Variants in DBX2 observed in about 807,000 individuals in gnomAD.
DBX2 encodes developing brain homeobox 2.
DBX2 carries 16 observed loss-of-function variants against 17.7 expected under a neutral mutation model. The observed-to-expected ratio is 0.90, with a 90% confidence interval of 0.61 to 1.37. The LOEUF (loss-of-function observed/expected upper bound fraction) is 1.37. Ranked by LOEUF, DBX2 falls within the 40% of genes most tolerant of loss-of-function variation. The probability of loss-of-function intolerance (pLI) is 0.00; values close to 1 mark genes in which losing one functional copy is unlikely to be tolerated. For missense variants in DBX2, 538 were observed against 433.8 expected, an observed-to-expected ratio of 1.24 and a Z score of -2.13; for synonymous variants, 255 against 183.8, an observed-to-expected ratio of 1.39 and a Z score of -3.13.
At chr12:45,048,173 T>A (rs1946509890) in intron 1 of DBX2, among the ~76,000 whole-genome samples, 1 of 152,054 alleles carries the variant, frequency 6.6e-6, no homozygotes, top group Non-Finnish European at 1.5e-5. Context: ...GAAGCATAAA[T>A]CCCGCAGTTA....
chr12:45,030,244 A>G (rs1432736637), intron 2 of DBX2, among the ~76,000 whole-genome samples: 1 of 80,374 alleles, frequency 1.2e-5, no homozygotes, highest in East Asian at 2.2e-4. Context: ...AAGCACTACC[A>G]AACAAAGACA....
intron 1 of DBX2, among the ~76,000 whole-genome samples, chr12:45,037,287 T>C (rs1433183681): frequency 6.6e-6 from 1 of 152,192 alleles, no homozygotes; most frequent in African/African-American, 2.4e-5. Flanking sequence ...AATATAACTG[T>C]AGGTGGAGAT....
chr12:45,038,763 G>A (rs1371011819), intron 1 of DBX2, among the ~76,000 whole-genome samples: 1 of 151,822 alleles, frequency 6.6e-6, no homozygotes, highest in Non-Finnish European at 1.5e-5. Context: ...TAAATTCTTA[G>A]TGATAAATGT....
chr12:45,018,665 C>T (rs1946335696), intron 3 of DBX2, among the ~76,000 whole-genome samples: 1 of 151,916 alleles, frequency 6.6e-6, no homozygotes, highest in African/African-American at 2.4e-5. Flanking sequence ...AAACTAAAAG[C>T]AAGAAATCTA....
In DBX2 at chr12:45,015,805, A is replaced by G. The variant is rs1406122198; in HGVS notation, c.*481T>C. 6.6e-6 allele frequency: 1 copy of G among 152,296 alleles called. No homozygotes were observed. Among genetic ancestry groups the G allele is most frequent in the Admixed American group, 6.5e-5 (1 of 15,284 alleles). The allele number at this position is 152,296 out of a possible 1,614,324, so 9.4% of individuals were successfully genotyped here. ...GAAGTCAGAAAATAGAGAATTTTTA[A>G]AAACATGTTTTTGGGGTATGAAAGT... On this transcript the variant is annotated 3_prime_UTR_variant, in exon 4 of 4. Coordinates refer to ENST00000332700, the MANE Select transcript of DBX2 (RefSeq NM_001004329.3).
In DBX2 at chr12:45,050,995, G is replaced by A. The variant is rs961786355; in HGVS notation, c.-68C>T. On this transcript the variant is annotated 5_prime_UTR_variant, in exon 1 of 4. Coordinates refer to ENST00000332700, the MANE Select transcript of DBX2 (RefSeq NM_001004329.3). Reference sequence around the variant, plus strand: ...GCCTGTCGCCCGGGCGCCCCGCACCGCACCCAGAGCCGCAGCTTCTCGCCG... The same window carrying A: ...GCCTGTCGCCCGGGCGCCCCGCACCACACCCAGAGCCGCAGCTTCTCGCCG... 1.6e-4 allele frequency: 213 copies of A among 1,324,128 alleles called. No homozygotes were observed. The highest frequency in any genetic ancestry group is 2.0e-4 in the Non-Finnish European group (204 of 1,041,326). The allele number at this position is 1,324,128 out of a possible 1,614,324, so 82.0% of individuals were successfully genotyped here. A position where few individuals can be genotyped will look rare whatever the true frequency, so the allele number is the denominator to read the frequency against.
chr12:45,038,077 A>G (rs1162332951), intron 1 of DBX2, among the ~76,000 whole-genome samples: 1 of 152,082 alleles, frequency 6.6e-6, no homozygotes, highest in African/African-American at 2.4e-5. Flanking sequence ...TGAATTTTAC[A>G]TCTTAAAGTA....
chr12:45,034,466 T>C (rs919333668), intron 2 of DBX2, among the ~76,000 whole-genome samples: 7 of 152,232 alleles, frequency 4.6e-5, no homozygotes, highest in Non-Finnish European at 8.8e-5. Context: ...GGAGACCACC[T>C]TGAAGGAGCG....
At chr12:45,039,160 T>TC (rs977183649) in intron 1 of DBX2, among the ~76,000 whole-genome samples, 3 of 150,838 alleles carry the variant, frequency 2.0e-5, no homozygotes, top group Non-Finnish European at 4.4e-5. Context: ...AAGTGCTTTT[T>TC]TTTTTTACAT....
At chr12:45,039,711 C>T (rs568081986) in intron 1 of DBX2, among the ~76,000 whole-genome samples, 1 of 151,950 alleles carries the variant, frequency 6.6e-6, no homozygotes, top group South Asian at 2.1e-4. Flanking sequence ...ATTATGACTG[C>T]TCACAGCAAA....
intron 1 of DBX2, among the ~76,000 whole-genome samples, chr12:45,045,454 A>T (rs1946494802): frequency 6.6e-6 from 1 of 152,234 alleles, no homozygotes; most frequent in Non-Finnish European, 1.5e-5. Flanking sequence ...TATGAACACG[A>T]TTAAACAGAA....
chr12:45,026,177 G>A (rs568812894), intron 2 of DBX2, among the ~76,000 whole-genome samples: 8 of 152,320 alleles, frequency 5.3e-5, no homozygotes, highest in Admixed American at 2.0e-4. Flanking sequence ...GATGGAACAT[G>A]TGGCTCCAGT....
At chr12:45,045,290 G>A (rs1946493782) in intron 1 of DBX2, among the ~76,000 whole-genome samples, 1 of 152,174 alleles carries the variant, frequency 6.6e-6, no homozygotes, top group African/African-American at 2.4e-5. Flanking sequence ...CGAAAATTAA[G>A]TAGACAAACA....
At chr12:45,018,672 T>C (rs1008595138) in intron 3 of DBX2, among the ~76,000 whole-genome samples, 8 of 151,896 alleles carry the variant, frequency 5.3e-5, no homozygotes, top group Non-Finnish European at 1.2e-4. Context: ...AAGCAAGAAA[T>C]CTAAATGATA....
At chr12:45,024,362 C>T (rs35540499) in intron 2 of DBX2, among the ~76,000 whole-genome samples, 14,251 of 152,216 alleles carry the variant, frequency 0.094, 863 homozygotes, top group Admixed American at 0.14. Flanking sequence ...TACCCAGTCT[C>T]GGGTATGTCT....
At chr12:45,029,088 C>T (rs923433127) in intron 2 of DBX2, among the ~76,000 whole-genome samples, 1 of 152,150 alleles carries the variant, frequency 6.6e-6, no homozygotes, top group Admixed American at 6.5e-5. Flanking sequence ...TTTTATGTCT[C>T]CAAAACACAT....
chr12:45,021,409 C>T (rs1466432163), intron 3 of DBX2, among the ~76,000 whole-genome samples: 1 of 152,172 alleles, frequency 6.6e-6, no homozygotes, highest in Admixed American at 6.5e-5. Flanking sequence ...TTATATATGG[C>T]TGTGGCATTG....
At position 45,015,744 on chromosome 12, in the gene DBX2, A is replaced by G. The variant is rs1172888329; in HGVS notation, c.*542T>C. 1 of 152,208 alleles carries G rather than the reference A, an allele frequency of 6.6e-6. No individual in the cohort carries two copies. Among genetic ancestry groups the G allele is most frequent in the Non-Finnish European group, 1.5e-5 (1 of 68,046 alleles). 9.4% of individuals were successfully genotyped at this position (152,208 alleles called of 1,614,324 possible). On this transcript the variant is annotated 3_prime_UTR_variant, in exon 4 of 4. Transcript: ENST00000332700. ...CTCATTTGTTGAGGACTGCTGAGCTAAGGTGTTAAAATTCACTTACAGCTG... is the reference window on the plus strand; with the variant it reads ...CTCATTTGTTGAGGACTGCTGAGCTGAGGTGTTAAAATTCACTTACAGCTG...
At position 45,015,862 on chromosome 12, in the gene DBX2, C is replaced by A. The variant is rs1432782606; in HGVS notation, c.*424G>T. 6.5e-6 allele frequency: 1 copy of A among 152,792 alleles called. No individual in the cohort carries two copies. Among genetic ancestry groups the A allele is most frequent in the Admixed American group, 6.5e-5 (1 of 15,294 alleles). The allele number at this position is 152,792 out of a possible 1,614,324, so 9.5% of individuals were successfully genotyped here. A position where few individuals can be genotyped will look rare whatever the true frequency, so the allele number is the denominator to read the frequency against. On this transcript the variant is annotated 3_prime_UTR_variant, in exon 4 of 4. Transcript: ENST00000332700. ...TAAAGTCCAAATTTTACATTATTTT[C>A]AAAAAGTTAATAACATTCTGTCAAT...
Sources: allele counts gnomAD v4.1 joint callset (sites outside exome capture counted in the v4.1 genomes callset), GRCh38; gene constraint gnomAD v4.1.1; transcripts MANE v1.5; gene names NCBI Gene and HGNC (gene_info 2026-07-23, HGNC 2026-07-21).